TOLLIP: variants seen among roughly 807,000 people sequenced by gnomAD.
The protein encoded by TOLLIP is toll interacting protein.
A neutral mutation model predicts 33.5 loss-of-function variants in TOLLIP; 16 were observed. The observed-to-expected ratio is 0.48, with a 90% CI of 0.32 to 0.72. The LOEUF (loss-of-function observed/expected upper bound fraction) is 0.72. TOLLIP is among the 30% of genes least tolerant of loss of function. The probability of loss-of-function intolerance (pLI) is 0.03; values close to 1 mark genes in which losing one functional copy is unlikely to be tolerated. For missense variants in TOLLIP, 325 were observed against 396.6 expected (o/e 0.82, Z 1.53); for synonymous variants, 176 against 163.7 (o/e 1.07, Z -0.57).
Position 1,295,633 on chromosome 11 carries a change from C to G in TOLLIP, c.183+12G>C. The stretch of plus-strand genomic sequence containing the variant: ...CAGCCCCAGGCAGGCAGGAGGGTGC[C>G]CCAAGGCCCACCTGTACCACCGTGA... On this transcript the variant is annotated intron_variant, in intron 2 of 5. Coordinates refer to ENST00000317204, the MANE Select transcript of TOLLIP (RefSeq NM_019009.4). 6.5e-7 allele frequency: 1 copy of G among 1,535,504 alleles called. No individual in the cohort carries two copies. The highest frequency in any genetic ancestry group is 2.3e-5 in the East Asian group (1 of 43,186).
At chr11:1,292,755 G>T (rs775690258) in intron 2 of TOLLIP, among the ~76,000 whole-genome samples, 1 of 152,242 alleles carries the variant, frequency 6.6e-6, no homozygotes, top group Non-Finnish European at 1.5e-5. Flanking sequence ...CACGGGCACC[G>T]CTGCTTTCCC....
At chr11:1,295,081 C>T (rs1451548714) in intron 2 of TOLLIP, among the ~76,000 whole-genome samples, 1 of 152,112 alleles carries the variant, frequency 6.6e-6, no homozygotes, top group Non-Finnish European at 1.5e-5. Context: ...TGCATTTCTA[C>T]GAAAGCCTGC....
chr11:1,290,152 G>A lies in TOLLIP; in HGVS notation c.366+75C>T. The A allele has an allele frequency of 6.7e-7, 1 of 1,503,104 alleles. No homozygotes were observed. The highest frequency in any genetic ancestry group is 9.1e-7 in the Non-Finnish European group (1 of 1,100,518). 93.1% of individuals were successfully genotyped at this position (1,503,104 alleles called of 1,614,324 possible). A position where few individuals can be genotyped will look rare whatever the true frequency, so the allele number is the denominator to read the frequency against. On this transcript the variant is annotated intron_variant, in intron 3 of 5. Transcript: ENST00000317204. This position sits in a 1 kb window ranked among gnomAD's most constrained non-coding sequence, Gnocchi z 4.9. ...CGAAGCCAGCCAGGAACGTGGCTGT[G>A]TTGGCAGGTGTGTCCCCACGGCAGC...
intron 4 of TOLLIP, among the ~76,000 whole-genome samples, chr11:1,286,942 T>C (rs899828711): frequency 3.3e-5 from 5 of 152,098 alleles, no homozygotes; most frequent in African/African-American, 1.2e-4. Context: ...TGCTGTTGTC[T>C]CTGAGTTCAA....
chr11:1,281,925 C>A (rs1460666988), intron 5 of TOLLIP, among the ~76,000 whole-genome samples: 1 of 152,258 alleles, frequency 6.6e-6, no homozygotes, highest in African/African-American at 2.4e-5. Flanking sequence ...CCAGCCTCTC[C>A]AAGGTCTCCG....
chr11:1,279,346 T>C (rs1481614362), intron 5 of TOLLIP, among the ~76,000 whole-genome samples: 2 of 152,328 alleles, frequency 1.3e-5, no homozygotes, highest in Admixed American at 1.3e-4. Flanking sequence ...GCAGAGGCCA[T>C]GTGCCTGGCC....
At chr11:1,309,141 C>T (rs1041462002) in intron 1 of TOLLIP, among the ~76,000 whole-genome samples, 2 of 151,688 alleles carry the variant, frequency 1.3e-5, no homozygotes, top group African/African-American at 2.4e-5. Flanking sequence ...GCCTGCCTCC[C>T]TCTGGGGCAC....
intron 1 of TOLLIP, among the ~76,000 whole-genome samples, chr11:1,296,222 A>G (rs1443365839): frequency 6.6e-6 from 1 of 152,258 alleles, no homozygotes; most frequent in Non-Finnish European, 1.5e-5. Context: ...TCAGGTCTAA[A>G]GTGATTTGGA....
At chr11:1,280,991 G>A (rs138869815) in intron 5 of TOLLIP, among the ~76,000 whole-genome samples, 10 of 152,332 alleles carry the variant, frequency 6.6e-5, no homozygotes, top group Non-Finnish European at 1.0e-4. Flanking sequence ...CCAGCCTGGC[G>A]GAGAGTCTCT....
intron 1 of TOLLIP, among the ~76,000 whole-genome samples, chr11:1,308,118 G>A (rs1864466567): frequency 6.6e-6 from 1 of 152,314 alleles, no homozygotes; most frequent in Non-Finnish European, 1.5e-5. Context: ...GCCTGCCCCA[G>A]CCCAGCCTCA....
At chr11:1,306,374 G>T (rs1437474246) in intron 1 of TOLLIP, among the ~76,000 whole-genome samples, 6 of 152,062 alleles carry the variant, frequency 3.9e-5, no homozygotes, top group African/African-American at 1.4e-4. Context: ...CGGCCCATGG[G>T]ATCTTGCCGT....
intron 3 of TOLLIP, among the ~76,000 whole-genome samples, chr11:1,289,488 A>C (rs1350084102): frequency 6.6e-6 from 1 of 152,184 alleles, no homozygotes. Flanking sequence ...CACGGACGGG[A>C]CTCAGGACCC....
Position 1,290,257 on chromosome 11 carries a change from C to T in TOLLIP, c.336G>A (p.Val112=). 5 of 1,613,456 alleles carry T rather than the reference C, an allele frequency of 3.1e-6. No homozygotes were observed. Among genetic ancestry groups the T allele is most frequent in the Non-Finnish European group, 4.2e-6 (5 of 1,179,960 alleles). The change falls in exon 3 of 6, where the codon GTG becomes GTA. Residue 112 remains valine (V), a synonymous_variant. Transcript: ENST00000317204. This position sits in a 1 kb window ranked among gnomAD's most constrained non-coding sequence, Gnocchi z 4.9. Reference sequence around the variant, plus strand: ...CGAAGATCTCGAGATAGAAAGAGTCCACGCCTGGGGGCACCGTGCAGTGGA... The same window carrying T: ...CGAAGATCTCGAGATAGAAAGAGTCTACGCCTGGGGGCACCGTGCAGTGGA... ...KVIHCTVPPG[V]DSFYLEIFDE...
intron 1 of TOLLIP, among the ~76,000 whole-genome samples, chr11:1,299,006 C>G (rs12279847): frequency 6.6e-6 from 1 of 152,176 alleles, no homozygotes; most frequent in African/African-American, 2.4e-5. Context: ...GGACAGTCAT[C>G]GAAAAACCAG....
chr11:1,287,925 T>C (rs908572901), intron 4 of TOLLIP, among the ~76,000 whole-genome samples: 1 of 145,226 alleles, frequency 6.9e-6, no homozygotes. Flanking sequence ...CTCTCTGCTG[T>C]CACATCTGCC....
Position 1,309,501 on chromosome 11 carries a change from T to C in TOLLIP, c.-3A>G, listed in dbSNP as rs1181572195. The C allele has an allele frequency of 2.7e-5, 35 of 1,312,478 alleles. No homozygotes were observed. Among genetic ancestry groups the C allele is most frequent in the Non-Finnish European group, 3.1e-5 (32 of 1,023,556 alleles). The allele number at this position is 1,312,478 out of a possible 1,614,324, so 81.3% of individuals were successfully genotyped here. A position where few individuals can be genotyped will look rare whatever the true frequency, so the allele number is the denominator to read the frequency against. The stretch of plus-strand genomic sequence containing the variant: ...TGAGTGCTGACGGTGGTCGCCATGG[T>C]GCTGCGGCGGCCCCCGTGGCTCGCC... On this transcript the variant is annotated 5_prime_UTR_variant, in exon 1 of 6. Coordinates refer to ENST00000317204, the MANE Select transcript of TOLLIP (RefSeq NM_019009.4).
rs570060916 is a variant in TOLLIP, at chr11:1,302,323, AC to A, written c.34-6530del. Among the ~76,000 whole-genome samples the A allele has an allele frequency of 5.9e-5, 9 of 152,116 alleles. No individual in the cohort carries two copies. The East Asian group carries it at 1.5e-3, about 26-fold the overall frequency. On this transcript the variant is annotated intron_variant, in intron 1 of 5. Coordinates refer to ENST00000317204, the MANE Select transcript of TOLLIP (RefSeq NM_019009.4). Reference sequence around the variant, plus strand: ...GGCGGTCCCTCTGCCCAGCTGACTGACCCCTCAGTGCGCAGGGTTTCAGAGA... The same window carrying A: ...GGCGGTCCCTCTGCCCAGCTGACTGACCCTCAGTGCGCAGGGTTTCAGAGA...
In TOLLIP at chr11:1,293,233, G is replaced by A. The variant is rs185839057; in HGVS notation, c.183+2412C>T. Among the ~76,000 whole-genome samples the A allele has an allele frequency of 6.2e-4, 95 of 152,330 alleles. No individual in the cohort carries two copies. In the East Asian group the frequency reaches 0.012, roughly 20 times the overall value. On this transcript the variant is annotated intron_variant, in intron 2 of 5. Coordinates refer to ENST00000317204, the MANE Select transcript of TOLLIP (RefSeq NM_019009.4). The stretch of plus-strand genomic sequence containing the variant: ...GGGGGAGAAGCCGGGAGGGTGGCCC[G>A]AGAGCTCCACCTTGGGCACACGGAG...
intron 1 of TOLLIP, among the ~76,000 whole-genome samples, chr11:1,305,641 G>T (rs1018262517): frequency 5.3e-5 from 8 of 152,230 alleles, no homozygotes; most frequent in Non-Finnish European, 7.3e-5. Context: ...CATCCCTAAT[G>T]AAGTCACCGA....
Sources: allele counts gnomAD v4.1 joint callset (sites outside exome capture counted in the v4.1 genomes callset), GRCh38; gene constraint gnomAD v4.1.1; non-coding constraint Gnocchi (gnomAD v3.1); transcripts MANE v1.5; gene names NCBI Gene and HGNC (gene_info 2026-07-23, HGNC 2026-07-21).